The following CATSPERB variants were observed in gnomAD, a reference collection of about 807,000 sequenced individuals.
CATSPERB encodes the protein catsper channel auxiliary subunit beta.
A neutral mutation model predicts 128.3 loss-of-function variants in CATSPERB; 93 were observed. The ratio of observed to expected loss-of-function variants is 0.72; its 90% CI spans 0.61 to 0.86. The LOEUF (loss-of-function observed/expected upper bound fraction) is 0.86, where lower values mean the gene tolerates loss of function less well. Ranked by LOEUF, CATSPERB falls within the 40% of genes least tolerant of loss-of-function variation. CATSPERB has a pLI of 0.00. For synonymous variants in CATSPERB, 381 were observed against 448.8 expected, an observed-to-expected ratio of 0.85 and a Z score of 1.91; for missense variants, 1,153 against 1,329.5, an observed-to-expected ratio of 0.87 and a Z score of 2.06.
At chr14:91,641,490 C>A (rs974423857) in intron 15 of CATSPERB, among the ~76,000 whole-genome samples, 6 of 152,024 alleles carry the variant, frequency 3.9e-5, no homozygotes, top group African/African-American at 1.4e-4. Context: ...GCTTGTTTTT[C>A]TCAGGTTTGT....
At chr14:91,633,662 A>G (rs1466595444) in intron 17 of CATSPERB, among the ~76,000 whole-genome samples, 1 of 152,132 alleles carries the variant, frequency 6.6e-6, no homozygotes, top group African/African-American at 2.4e-5. Context: ...ATAATTTACA[A>G]CGTTAAATAA....
At chr14:91,730,685 C>G (rs1236336866) in intron 1 of CATSPERB, among the ~76,000 whole-genome samples, 1 of 152,180 alleles carries the variant, frequency 6.6e-6, no homozygotes, top group Admixed American at 6.5e-5. Flanking sequence ...CAGAAACATA[C>G]TAATTTGCCA....
chr14:91,588,330 A>C (rs1273591508), intron 24 of CATSPERB, among the ~76,000 whole-genome samples: 1 of 152,080 alleles, frequency 6.6e-6, no homozygotes, highest in Non-Finnish European at 1.5e-5. Context: ...GTTAGGCCCA[A>C]TATCTCACAT....
intron 17 of CATSPERB, chr14:91,635,830 T>C (rs1894364352): frequency 6.6e-6 from 1 of 152,226 alleles, no homozygotes. Context: ...AGAATTGTCA[T>C]TTGAGTAAAC....
chr14:91,621,991 A>G (rs1595150822), intron 18 of CATSPERB, 54 bp from the exon 19 acceptor site: 2 of 1,200,024 alleles, frequency 1.7e-6, no homozygotes, highest in Non-Finnish European at 2.3e-6. Flanking sequence ...GATGTTTGCC[A>G]AACAAACTGA....
chr14:91,687,974 A>G (rs1259409539), intron 10 of CATSPERB, among the ~76,000 whole-genome samples: 4 of 149,030 alleles, frequency 2.7e-5, no homozygotes, highest in African/African-American at 9.8e-5. Flanking sequence ...AAAAATCCTT[A>G]TCTAGTACTC....
At chr14:91,701,188 G>A (rs939391603) in intron 7 of CATSPERB, among the ~76,000 whole-genome samples, 4 of 152,124 alleles carry the variant, frequency 2.6e-5, no homozygotes, top group Non-Finnish European at 5.9e-5. Context: ...GAGCGGTGAG[G>A]AGGTCACCAA....
intron 15 of CATSPERB, 64 bp from the exon 16 acceptor site, chr14:91,639,314 C>A (rs1353425729): frequency 1.4e-6 from 2 of 1,386,862 alleles, no homozygotes; most frequent in Non-Finnish European, 2.0e-6. Context: ...ACTTTAATAT[C>A]ATACCTTGTA....
At chr14:91,586,575 G>GAGAGAA (rs1555358783) in intron 26 of CATSPERB, among the ~76,000 whole-genome samples, 1 of 151,414 alleles carries the variant, frequency 6.6e-6, no homozygotes, top group Admixed American at 6.6e-5. Flanking sequence ...GAGAGAAAGA[G>GAGAGAA]AGAGAGAGAG....
At chr14:91,605,662 T>C (rs1298790559) in intron 22 of CATSPERB, among the ~76,000 whole-genome samples, 1 of 152,194 alleles carries the variant, frequency 6.6e-6, no homozygotes, top group African/African-American at 2.4e-5. Flanking sequence ...ACTGAGCCTT[T>C]CCCCATCGCC....
intron 18 of CATSPERB, among the ~76,000 whole-genome samples, chr14:91,623,541 C>T (rs1197762069): frequency 2.0e-5 from 3 of 152,230 alleles, no homozygotes; most frequent in Non-Finnish European, 4.4e-5. Context: ...GCCATCTTCC[C>T]TGAACTCCAG....
intron 14 of CATSPERB, among the ~76,000 whole-genome samples, chr14:91,666,804 G>A (rs544358130): frequency 7.9e-5 from 12 of 152,306 alleles, no homozygotes; most frequent in South Asian, 6.2e-4. Flanking sequence ...CTTCAAATAC[G>A]TATGTGTGTG....
intron 25 of CATSPERB, 148 bp from the exon 26 acceptor site, chr14:91,587,424 T>A: frequency 3.2e-6 from 1 of 314,884 alleles, no homozygotes; most frequent in South Asian, 1.0e-4. Context: ...GACATACACA[T>A]CATGCATCAA....
intron 7 of CATSPERB, among the ~76,000 whole-genome samples, chr14:91,700,956 C>T (rs1895637872): frequency 6.6e-6 from 1 of 152,050 alleles, no homozygotes; most frequent in Non-Finnish European, 1.5e-5. Context: ...TGTACCTCCC[C>T]TCAAATCTAA....
intron 17 of CATSPERB, 125 bp from the exon 18 acceptor site, chr14:91,625,132 G>T: frequency 1.6e-6 from 1 of 611,966 alleles, no homozygotes; most frequent in Non-Finnish European, 2.7e-6. Flanking sequence ...ATTAACATTT[G>T]TTCAACCCCA....
intron 4 of CATSPERB, among the ~76,000 whole-genome samples, chr14:91,720,951 A>C (rs1014554627): frequency 6.6e-6 from 1 of 152,206 alleles, no homozygotes; most frequent in African/African-American, 2.4e-5. Context: ...TATTTTCAAC[A>C]AAAGTGCCAA....
At chr14:91,694,580 C>T (rs1895528653) in intron 7 of CATSPERB, among the ~76,000 whole-genome samples, 1 of 151,512 alleles carries the variant, frequency 6.6e-6, no homozygotes, top group Non-Finnish European at 1.5e-5. Context: ...GCTCCTATTT[C>T]AGGAGTACAA....
chr14:91,589,908 G>A (rs1893367722), intron 23 of CATSPERB, among the ~76,000 whole-genome samples: 1 of 152,088 alleles, frequency 6.6e-6, no homozygotes, highest in South Asian at 2.1e-4. Flanking sequence ...CTTTTCACAG[G>A]AATTTACTAT....
At chr14:91,599,566 T>G (rs1402131450) in intron 22 of CATSPERB, among the ~76,000 whole-genome samples, 30 of 119,508 alleles carry the variant, frequency 2.5e-4, no homozygotes, top group Middle Eastern at 4.6e-3. Context: ...AAAAAGAAAG[T>G]TTATTTTTAT....
Sources: allele counts gnomAD v4.1 joint callset (sites outside exome capture counted in the v4.1 genomes callset), GRCh38; gene constraint gnomAD v4.1.1; transcripts MANE v1.5; gene names NCBI Gene and HGNC (gene_info 2026-07-23, HGNC 2026-07-21).